Variants in SH3GL3 observed in about 807,000 individuals in gnomAD.
SH3GL3 encodes the protein SH3 domain containing GRB2 like 3, endophilin A3.
A neutral mutation model predicts 47.7 loss-of-function variants in SH3GL3; 33 were observed. That is an observed-to-expected ratio of 0.69 (90% confidence interval 0.52 to 0.92). The LOEUF is 0.92. Among genes scored for constraint, SH3GL3 ranks in the 40% least tolerant of loss-of-function variants. The pLI, the probability that SH3GL3 is intolerant of heterozygous loss-of-function variation, is 0.00. For synonymous variants in SH3GL3, 155 were observed against 148.8 expected, an observed-to-expected ratio of 1.04 and a Z score of -0.30; for missense variants, 363 against 417.8, an observed-to-expected ratio of 0.87 and a Z score of 1.14.
In SH3GL3 at chr15:83,587,578, T is replaced by C. The variant is rs539937804; in HGVS notation, c.728+492T>C. ...TGCCTTCACTTCACCAGTACGAATT[T>C]CAGGATATGTTCATAATATTGACTA... On this transcript the variant is annotated intron_variant, in intron 7 of 8. Transcript: ENST00000427482. 2.0e-5 allele frequency among the ~76,000 whole-genome samples: 3 copies of C among 150,924 alleles called. No individual in the cohort carries two copies. In the South Asian group the frequency reaches 6.3e-4, roughly 32 times the overall value.
chr15:83,551,113 C>T (rs979680516), intron 1 of SH3GL3, among the ~76,000 whole-genome samples: 2 of 152,274 alleles, frequency 1.3e-5, no homozygotes, highest in South Asian at 2.1e-4. Context: ...AAAAGCTTCA[C>T]GTTTCCCAAA....
chr15:83,502,870 T>C (rs1327717145), intron 1 of SH3GL3, among the ~76,000 whole-genome samples: 1 of 152,246 alleles, frequency 6.6e-6, no homozygotes, highest in East Asian at 1.9e-4. Flanking sequence ...CTTTGGAGTA[T>C]TAGTTTTTTT....
intron 1 of SH3GL3, among the ~76,000 whole-genome samples, chr15:83,546,219 TG>T (rs1411645680): frequency 1.3e-5 from 2 of 151,128 alleles, no homozygotes; most frequent in African/African-American, 4.9e-5. Flanking sequence ...TTTACTGTAC[TG>T]TGGCTGAGCC....
the SH3GL3 span, among the ~76,000 whole-genome samples, chr15:83,629,375 A>G: frequency 6.6e-6 from 1 of 152,234 alleles, no homozygotes; most frequent in East Asian, 1.9e-4. Context: ...GTGGAACCAA[A>G]GAGTCTAGAA....
At chr15:83,483,719 G>A (rs2041474394) in intron 1 of SH3GL3, among the ~76,000 whole-genome samples, 1 of 152,208 alleles carries the variant, frequency 6.6e-6, no homozygotes, top group Non-Finnish European at 1.5e-5. Flanking sequence ...ACCCTCATCA[G>A]TAACTACCAC....
chr15:83,579,316 G>A (rs1267493970), intron 6 of SH3GL3, among the ~76,000 whole-genome samples: 1 of 152,184 alleles, frequency 6.6e-6, no homozygotes, highest in Non-Finnish European at 1.5e-5. Flanking sequence ...TGACCTGCAG[G>A]TGAGTGGAGG....
chr15:83,456,722 G>T (rs1218679137), intron 1 of SH3GL3, among the ~76,000 whole-genome samples: 1 of 149,128 alleles, frequency 6.7e-6, no homozygotes, highest in Non-Finnish European at 1.5e-5. Flanking sequence ...ACTCCCTAGT[G>T]AGATGAACCC....
chr15:83,632,167 C>G, the SH3GL3 span, among the ~76,000 whole-genome samples: 6 of 152,212 alleles, frequency 3.9e-5, no homozygotes, highest in African/African-American at 1.4e-4. Flanking sequence ...ACTTCATTGT[C>G]CATATCACTA....
chr15:83,448,442 A>ATGTGTGTGTGTGTGTGTG lies in SH3GL3; in HGVS notation c.45+886_45+903dup, dbSNP rs71156081. Among the ~76,000 whole-genome samples, 467 of 140,720 alleles carry ATGTGTGTGTGTGTGTGTG rather than the reference A, an allele frequency of 3.3e-3. 4 individuals carry two copies. Among genetic ancestry groups the ATGTGTGTGTGTGTGTGTG allele is most frequent in the African/African-American group, 0.011 (399 of 36,396 alleles). 92.3% of individuals were successfully genotyped at this position (140,720 alleles called of 152,430 possible). ...AAACAGGAGGGGAGACATGAAATTG[A>ATGTGTGTGTGTGTGTGTG]TGTGTGTGTGTGTGTGTGTGTGTGT... On this transcript the variant is annotated intron_variant, in intron 1 of 8. Coordinates refer to ENST00000427482, the MANE Select transcript of SH3GL3 (RefSeq NM_003027.5). This position sits in a 1 kb window ranked among gnomAD's most constrained non-coding sequence, Gnocchi z 4.2.
At chr15:83,605,554 G>GA (rs1241506639) in intron 8 of SH3GL3, among the ~76,000 whole-genome samples, 1 of 141,442 alleles carries the variant, frequency 7.1e-6, no homozygotes, top group Non-Finnish European at 1.5e-5. Context: ...TCTTTCTAAA[G>GA]AAAAAAAGAG....
intron 1 of SH3GL3, among the ~76,000 whole-genome samples, chr15:83,536,095 C>T (rs1028252363): frequency 5.3e-5 from 8 of 152,220 alleles, no homozygotes; most frequent in Non-Finnish European, 8.8e-5. Context: ...TACTGCGCAG[C>T]TACTAATTTC....
chr15:83,623,932 C>T, the SH3GL3 span, among the ~76,000 whole-genome samples: 1 of 152,096 alleles, frequency 6.6e-6, no homozygotes, highest in Non-Finnish European at 1.5e-5. Context: ...ATTACACGTG[C>T]CCACCACCAC....
chr15:83,553,989 T>A (rs916157330), intron 1 of SH3GL3, among the ~76,000 whole-genome samples: 5 of 152,010 alleles, frequency 3.3e-5, no homozygotes, highest in Non-Finnish European at 7.4e-5. Flanking sequence ...CTGTGAAGTC[T>A]GAATATGTCT....
rs955535846 is a variant in SH3GL3 at position 83,576,611 on chromosome 15, G to A, written c.494G>A (p.Arg165His). ...GHHLKKLEGR[R>H]LDYDYKKKRV... ...CACCTGAAAAAGCTGGAAGGCCGCC[G>A]CCTGGATTACGATTATAAAAAGAAA... The change falls in exon 6 of 9, where the codon CGC becomes CAC. Residue 165 changes from arginine to histidine, a missense_variant. By Grantham distance (29) the Arg-to-His change is conservative. Coordinates refer to ENST00000427482, the MANE Select transcript of SH3GL3 (RefSeq NM_003027.5). The A allele has an allele frequency of 1.2e-6, 2 of 1,610,244 alleles. No homozygotes were observed. The highest frequency in any genetic ancestry group is 2.2e-5 in the East Asian group (1 of 44,862).
intron 1 of SH3GL3, among the ~76,000 whole-genome samples, chr15:83,501,748 C>T (rs769989917): frequency 1.3e-5 from 2 of 152,000 alleles, no homozygotes; most frequent in Non-Finnish European, 2.9e-5. Context: ...AAAAATTAGC[C>T]AGGTGTAGAG....
chr15:83,550,701 T>C (rs1360525362), intron 1 of SH3GL3, among the ~76,000 whole-genome samples: 3 of 152,160 alleles, frequency 2.0e-5, no homozygotes, highest in Non-Finnish European at 4.4e-5. Flanking sequence ...TCCATTACCA[T>C]TTTAAAGCCT....
At chr15:83,496,777 T>C (rs1443757615) in intron 1 of SH3GL3, among the ~76,000 whole-genome samples, 5 of 152,144 alleles carry the variant, frequency 3.3e-5, no homozygotes, top group Non-Finnish European at 5.9e-5. Flanking sequence ...TATTGTGAGC[T>C]TTCAGTCATT....
chr15:83,447,620 AGGC>A lies in SH3GL3; in HGVS notation c.45+43_45+45del, dbSNP rs2039499407. 7.2e-7 allele frequency: 1 copy of A among 1,388,380 alleles called. No individual in the cohort carries two copies. The highest frequency in any genetic ancestry group is 1.5e-5 in the African/African-American group (1 of 66,624). The allele number at this position is 1,388,380 out of a possible 1,614,324, so 86.0% of individuals were successfully genotyped here. On this transcript the variant is annotated intron_variant, in intron 1 of 8. Coordinates refer to ENST00000427482, the MANE Select transcript of SH3GL3 (RefSeq NM_003027.5). This position sits in a 1 kb window ranked among gnomAD's most constrained non-coding sequence, Gnocchi z 5.1. ...GAGGGAAGGAGGGAGGGGGACGCGGAGGCTGCGGCCCCCCGAGGCTCCCGGGCC... is the reference window on the plus strand; with the variant it reads ...GAGGGAAGGAGGGAGGGGGACGCGGATGCGGCCCCCCGAGGCTCCCGGGCC...
chr15:83,481,443 A>T (rs1313905738), intron 1 of SH3GL3, among the ~76,000 whole-genome samples: 1 of 152,184 alleles, frequency 6.6e-6, no homozygotes, highest in Non-Finnish European at 1.5e-5. Context: ...GCTTTGTTTT[A>T]TTGAGGTGGA....
Sources: gnomAD v4.1 joint callset for allele counts (sites outside exome capture counted in the v4.1 genomes callset) on GRCh38, gnomAD v4.1.1 for gene constraint, Gnocchi (gnomAD v3.1) non-coding constraint, MANE v1.5 for transcripts, NCBI Gene and HGNC (gene_info 2026-07-23, HGNC 2026-07-21) for gene names.